Variants in TRPM3 observed in about 807,000 individuals in gnomAD.
TRPM3 encodes the protein transient receptor potential cation channel subfamily M member 3, also known as long transient receptor potential channel 3.
A neutral mutation model predicts 181.2 loss-of-function variants in TRPM3; 77 were observed. That is an observed-to-expected ratio of 0.42 (90% confidence interval 0.35 to 0.51). TRPM3 has a LOEUF of 0.51. Ranked by LOEUF, TRPM3 falls within the 20% of genes least tolerant of loss-of-function variation. TRPM3 has a pLI of 0.01. For synonymous variants in TRPM3, 745 were observed against 796.4 expected, an observed-to-expected ratio of 0.94 and a Z score of 1.09; for missense variants, 1,759 against 2,196.7, an observed-to-expected ratio of 0.80 and a Z score of 3.98.
chr9:70,661,067 A>T (rs2133927647), intron 9 of TRPM3, among the ~76,000 whole-genome samples: 1 of 152,358 alleles, frequency 6.6e-6, no homozygotes, highest in East Asian at 1.9e-4. Context: ...CCAACAGCAT[A>T]TCACAAAGAT....
chr9:70,681,444 T>A, intron 9 of TRPM3, 62 bp downstream of exon 9: 2 of 1,370,000 alleles, frequency 1.5e-6, no homozygotes, highest in East Asian at 2.3e-5. Flanking sequence ...TTAGGAGACA[T>A]AAGGTCACTG....
intron 1 of TRPM3, among the ~76,000 whole-genome samples, chr9:70,975,260 C>A (rs758212603): frequency 2.6e-4 from 39 of 152,176 alleles, no homozygotes; most frequent in Non-Finnish European, 2.4e-4. Flanking sequence ...GTCCTATCTT[C>A]AAATTATATC....
intron 1 of TRPM3, among the ~76,000 whole-genome samples, chr9:71,439,405 C>T (rs4745086): frequency 0.98 from 148,863 of 152,336 alleles, 72,821 homozygotes; most frequent in East Asian, 1. Flanking sequence ...TAACTATACA[C>T]ATCAATACAC....
At chr9:71,366,050 C>T (rs1053516742) in intron 1 of TRPM3, among the ~76,000 whole-genome samples, 2 of 152,012 alleles carry the variant, frequency 1.3e-5, no homozygotes, top group Admixed American at 6.6e-5. Context: ...GAGGTGAAGG[C>T]TGTTAAAAGA....
At chr9:70,782,315 G>A (rs1050614805) in intron 7 of TRPM3, among the ~76,000 whole-genome samples, 1 of 151,768 alleles carries the variant, frequency 6.6e-6, no homozygotes, top group Non-Finnish European at 1.5e-5. Flanking sequence ...GGGTTCAAGC[G>A]ATTATCCTGC....
rs111417381 is a variant in TRPM3 at position 71,414,890 on chromosome 9, C to T, written c.183+31763G>A. Among the ~76,000 whole-genome samples, 86 of 152,116 alleles carry T rather than the reference C, an allele frequency of 5.7e-4. 1 individual carries two copies. Among genetic ancestry groups the T allele is most frequent in the African/African-American group, 1.9e-3 (81 of 41,542 alleles). ...AGCAATAAATTAAAGTAGCAGGCTTCATTTTTTTAGGTCATTGTAACAGCC... is the reference window on the plus strand; with the variant it reads ...AGCAATAAATTAAAGTAGCAGGCTTTATTTTTTTAGGTCATTGTAACAGCC... On this transcript the variant is annotated intron_variant, in intron 1 of 24. Coordinates refer to the TRPM3 transcript ENST00000357533.
intron 1 of TRPM3, among the ~76,000 whole-genome samples, chr9:71,324,259 AAAC>A (rs890400497): frequency 1.3e-5 from 2 of 152,308 alleles, no homozygotes; most frequent in South Asian, 2.1e-4. Flanking sequence ...GGAAATTAGA[AAAC>A]AACATTTAAG....
intron 1 of TRPM3, among the ~76,000 whole-genome samples, chr9:71,204,957 G>A (rs146676279): frequency 0.039 from 5,925 of 151,994 alleles, 158 homozygotes; most frequent in East Asian, 0.11. Flanking sequence ...GTAAACTATC[G>A]CAAGGACAAA....
In TRPM3 at chr9:71,121,385, A is replaced by T. The variant is rs753323562; in HGVS notation, c.-31T>A. 1.9e-6 allele frequency: 3 copies of T among 1,608,222 alleles called. No individual in the cohort carries two copies. Among genetic ancestry groups the T allele is most frequent in the Non-Finnish European group, 2.5e-6 (3 of 1,177,492 alleles). ...GGTCATCTCCACACCTGCAAATTCCATTAGGGCAGAGGCTTCCTGGAACTT... is the reference window on the plus strand; with the variant it reads ...GGTCATCTCCACACCTGCAAATTCCTTTAGGGCAGAGGCTTCCTGGAACTT... On this transcript the variant is annotated 5_prime_UTR_variant, in exon 1 of 26. The change abolishes an upstream ATG in the 5' untranslated region. Transcript: ENST00000677713.
chr9:70,564,986 C>A (rs747240909), intron 22 of TRPM3, among the ~76,000 whole-genome samples: 7 of 152,210 alleles, frequency 4.6e-5, no homozygotes, highest in Non-Finnish European at 1.0e-4. Flanking sequence ...CCTCTGGATC[C>A]CAAGCTCTGT....
intron 22 of TRPM3, among the ~76,000 whole-genome samples, chr9:70,560,663 C>T (rs753629700): frequency 3.9e-5 from 6 of 152,192 alleles, no homozygotes; most frequent in Non-Finnish European, 7.3e-5. Context: ...AAGGAGCCAA[C>T]GTGGGATTGA....
intron 1 of TRPM3, among the ~76,000 whole-genome samples, chr9:71,196,606 C>G (rs1047885494): frequency 1.3e-5 from 2 of 151,964 alleles, no homozygotes; most frequent in African/African-American, 4.8e-5. Flanking sequence ...CATCTCTGAC[C>G]CCAAGCACCC....
At chr9:70,654,132 T>G (rs2059960409) in intron 9 of TRPM3, among the ~76,000 whole-genome samples, 1 of 152,092 alleles carries the variant, frequency 6.6e-6, no homozygotes, top group East Asian at 1.9e-4. Context: ...TTCAGAGATG[T>G]ATTCTAAAGC....
chr9:71,229,489 A>C (rs1469498885), intron 1 of TRPM3, among the ~76,000 whole-genome samples: 1 of 152,176 alleles, frequency 6.6e-6, no homozygotes, highest in Non-Finnish European at 1.5e-5. Flanking sequence ...AAGCTTCTTC[A>C]CAGTAAAGGA....
chr9:71,108,597 A>C (rs1587257253), intron 1 of TRPM3, among the ~76,000 whole-genome samples: 1 of 152,332 alleles, frequency 6.6e-6, no homozygotes, highest in East Asian at 1.9e-4. Context: ...CGAGATTACA[A>C]GGAACTAGGC....
intron 21 of TRPM3, among the ~76,000 whole-genome samples, chr9:70,598,055 C>T (rs1479995616): frequency 6.6e-6 from 1 of 152,180 alleles, no homozygotes; most frequent in Non-Finnish European, 1.5e-5. Context: ...ACTTTATACA[C>T]ATCTCTATTA....
intron 25 of TRPM3, among the ~76,000 whole-genome samples, chr9:70,547,460 G>A (rs1272380116): frequency 6.7e-6 from 1 of 150,254 alleles, no homozygotes; most frequent in Non-Finnish European, 1.5e-5. Context: ...GTTCCCTTGT[G>A]CATCCCATGG....
intron 1 of TRPM3, among the ~76,000 whole-genome samples, chr9:70,932,252 T>C (rs549428050): frequency 3.9e-5 from 6 of 152,236 alleles, no homozygotes; most frequent in Admixed American, 3.9e-4. Flanking sequence ...TTTAGACTGA[T>C]TGTGATGGAA....
chr9:71,367,394 T>C (rs950976465), intron 1 of TRPM3, among the ~76,000 whole-genome samples: 8 of 152,228 alleles, frequency 5.3e-5, no homozygotes, highest in African/African-American at 1.7e-4. Context: ...GAGTTCTCCA[T>C]TTTGTAGTTA....
Sources: allele counts gnomAD v4.1 joint callset (sites outside exome capture counted in the v4.1 genomes callset), GRCh38; gene constraint gnomAD v4.1.1; transcripts MANE v1.5; gene names NCBI Gene and HGNC (gene_info 2026-07-23, HGNC 2026-07-21).